Variants in EYS observed in about 807,000 individuals in gnomAD.
The protein encoded by EYS is protein eyes shut homolog.
A neutral mutation model predicts 282.1 loss-of-function variants in EYS; 250 were observed. The observed-to-expected ratio is 0.89, with a 90% confidence interval of 0.80 to 0.98. The LOEUF (loss-of-function observed/expected upper bound fraction) is 0.98. EYS is among the 50% of genes least tolerant of loss of function. The pLI, the probability that EYS is intolerant of heterozygous loss-of-function variation, is 0.00. For synonymous variants in EYS, 1,355 were observed against 1,282.9 expected (o/e 1.06, Z -1.20); for missense variants, 4,016 against 3,709.0 (o/e 1.08, Z -2.15).
intron 2 of EYS, among the ~76,000 whole-genome samples, chr6:65,513,216 T>C (rs1166261113): frequency 6.6e-6 from 1 of 152,084 alleles, no homozygotes; most frequent in Non-Finnish European, 1.5e-5. Context: ...CCTCCACACA[T>C]ACACCCTCCC....
intron 18 of EYS, among the ~76,000 whole-genome samples, chr6:64,897,444 C>T (rs983680648): frequency 4.6e-5 from 7 of 152,018 alleles, no homozygotes; most frequent in Middle Eastern, 3.2e-3. Flanking sequence ...AAACTCCCTC[C>T]GAAGGTTACC....
At chr6:64,223,192 C>A (rs1360031346) in intron 31 of EYS, among the ~76,000 whole-genome samples, 3 of 151,942 alleles carry the variant, frequency 2.0e-5, no homozygotes, top group African/African-American at 4.8e-5. Context: ...TCTCATTCTT[C>A]CCACTGTTTA....
Position 64,439,277 on chromosome 6 carries a change from A to T in EYS, c.5720T>A (p.Ile1907Asn). 1 of 1,522,924 alleles carries T rather than the reference A, an allele frequency of 6.6e-7. No homozygotes were observed. Among genetic ancestry groups the T allele is most frequent in the African/African-American group, 1.4e-5 (1 of 71,336 alleles). The allele number at this position is 1,522,924 out of a possible 1,614,324, so 94.3% of individuals were successfully genotyped here. A position where few individuals can be genotyped will look rare whatever the true frequency, so the allele number is the denominator to read the frequency against. ...GCTGAAGGTCTGAAATTCTAGGGAG[A>T]TGTTATTTTGTGGATTTAAAGCCAC... ...QNVALNPQNN[I>N]SLEFQTFSSY... The change falls in exon 27 of 43, where the codon ATC (isoleucine) becomes AAC (asparagine). Residue 1907 changes from isoleucine (I) to asparagine (N), a missense_variant. By Grantham distance (149) the Ile-to-Asn change is moderately radical. Coordinates refer to ENST00000503581, the MANE Select transcript of EYS (RefSeq NM_001142800.2).
chr6:64,904,755 T>C (rs972141964), intron 16 of EYS, among the ~76,000 whole-genome samples: 1 of 152,158 alleles, frequency 6.6e-6, no homozygotes, highest in African/African-American at 2.4e-5. Context: ...TCAGCTGTGC[T>C]GATGAATCAG....
chr6:63,825,028 C>A (rs549925258), intron 36 of EYS, among the ~76,000 whole-genome samples: 2 of 152,270 alleles, frequency 1.3e-5, no homozygotes, highest in Admixed American at 1.3e-4. Flanking sequence ...CCCTCTCACC[C>A]GCCACCTGGG....
chr6:65,375,362 A>G (rs1765322937), intron 8 of EYS, among the ~76,000 whole-genome samples: 1 of 152,162 alleles, frequency 6.6e-6, no homozygotes, highest in African/African-American at 2.4e-5. Context: ...GGATCCCCAC[A>G]CACAGAAACC....
At position 63,904,916 on chromosome 6, in the gene EYS, CT is replaced by C. The variant is rs372124247; in HGVS notation, c.7056-40559del. On this transcript the variant is annotated intron_variant, in intron 35 of 42. Transcript: ENST00000503581. ...TAAAATACACATACCATAAAATTCA[CT>C]GTTTAAACCATTCTAAAGTGTATAG... Among the ~76,000 whole-genome samples the C allele has an allele frequency of 3.7e-4, 57 of 152,350 alleles. 1 individual carries two copies. In the South Asian group the frequency reaches 9.1e-3, roughly 24 times the overall value.
intron 22 of EYS, among the ~76,000 whole-genome samples, chr6:64,643,418 T>G (rs12525251): frequency 0.6 from 90,983 of 152,038 alleles, 27,405 homozygotes; most frequent in South Asian, 0.66. Flanking sequence ...TCAGACAAAG[T>G]GGTATGTATG....
chr6:65,584,932 T>A (rs354358), intron 2 of EYS, among the ~76,000 whole-genome samples: 1 of 149,946 alleles, frequency 6.7e-6, no homozygotes, highest in Non-Finnish European at 1.5e-5. Flanking sequence ...TCTCTCTGTC[T>A]CCAAACTTTG....
intron 31 of EYS, among the ~76,000 whole-genome samples, chr6:64,086,090 CCT>C (rs750475263): frequency 5.4e-4 from 82 of 152,316 alleles, no homozygotes; most frequent in Non-Finnish European, 9.4e-4. Flanking sequence ...AAGGCTCTGT[CCT>C]CTGTCTTGAG....
intron 8 of EYS, among the ~76,000 whole-genome samples, chr6:65,378,268 AC>A (rs1470188100): frequency 6.6e-6 from 1 of 152,216 alleles, no homozygotes; most frequent in Non-Finnish European, 1.5e-5. Context: ...TATGCAGTCA[AC>A]AAACATATGA....
chr6:64,648,889 T>C (rs1006092085), intron 22 of EYS, among the ~76,000 whole-genome samples: 12 of 152,210 alleles, frequency 7.9e-5, no homozygotes, highest in African/African-American at 2.9e-4. Context: ...TGTGATAATT[T>C]ACCAAGGTTA....
chr6:65,131,718 C>A (rs963732159), intron 12 of EYS, among the ~76,000 whole-genome samples: 2 of 151,582 alleles, frequency 1.3e-5, no homozygotes, highest in Admixed American at 6.6e-5. Flanking sequence ...AAGAAATAAC[C>A]AAAATCAGAA....
intron 5 of EYS, among the ~76,000 whole-genome samples, chr6:65,422,017 C>T (rs1767484984): frequency 6.6e-6 from 1 of 151,832 alleles, no homozygotes; most frequent in African/African-American, 2.4e-5. Flanking sequence ...AAAGTGAGCA[C>T]ATGGTGTTAG....
chr6:63,762,397 AC>A (rs1319950038), intron 41 of EYS, 63 bp downstream of exon 41: 1 of 1,453,350 alleles, frequency 6.9e-7, no homozygotes, highest in African/African-American at 1.4e-5. Context: ...AAGAAAACTG[AC>A]TTTGAAGTTC....
At chr6:65,524,006 G>A (rs1395043848) in intron 2 of EYS, among the ~76,000 whole-genome samples, 3 of 152,150 alleles carry the variant, frequency 2.0e-5, no homozygotes, top group African/African-American at 7.2e-5. Context: ...CGAGTAGCTG[G>A]GATTACAGAC....
chr6:64,352,886 C>T (rs1308890014), intron 29 of EYS, among the ~76,000 whole-genome samples: 5 of 151,446 alleles, frequency 3.3e-5, no homozygotes, highest in Non-Finnish European at 5.9e-5. Flanking sequence ...TTGTTAATTT[C>T]ATCTAATTAT....
At chr6:65,705,378 T>C (rs1326316183) in intron 1 of EYS, among the ~76,000 whole-genome samples, 1 of 152,206 alleles carries the variant, frequency 6.6e-6, no homozygotes, top group Admixed American at 6.5e-5. Flanking sequence ...ATGTTTTATT[T>C]CTTTTGGTCC....
At chr6:64,001,587 A>C (rs1257938614) in intron 33 of EYS, among the ~76,000 whole-genome samples, 1 of 152,166 alleles carries the variant, frequency 6.6e-6, no homozygotes, top group Non-Finnish European at 1.5e-5. Flanking sequence ...CCCAAATGGA[A>C]GTTCAGGTTA....
Sources: gnomAD v4.1 joint callset for allele counts (sites outside exome capture counted in the v4.1 genomes callset) on GRCh38, gnomAD v4.1.1 for gene constraint, MANE v1.5 for transcripts, NCBI Gene and HGNC (gene_info 2026-07-23, HGNC 2026-07-21) for gene names.